The following FGF10 variants were observed in gnomAD, a reference collection of about 807,000 sequenced individuals.
FGF10 encodes FGF-10.
A neutral mutation model predicts 19.8 loss-of-function variants in FGF10; 2 were observed. The observed-to-expected ratio is 0.10, with a 90% CI of 0.04 to 0.32. FGF10 has a LOEUF of 0.32. Among genes scored for constraint, FGF10 ranks in the 10% least tolerant of loss-of-function variants. The pLI is 1.00. For synonymous variants in FGF10, 112 were observed against 94.0 expected (o/e 1.19, Z -1.10); for missense variants, 191 against 246.3 (o/e 0.78, Z 1.50).
At chr5:44,342,326 G>T (rs779932551) in intron 1 of FGF10, among the ~76,000 whole-genome samples, 1 of 151,880 alleles carries the variant, frequency 6.6e-6, no homozygotes, top group Non-Finnish European at 1.5e-5. Context: ...GAAATTCAGT[G>T]TACATTGTGT....
intron 1 of FGF10, among the ~76,000 whole-genome samples, chr5:44,324,996 C>T (rs367961501): frequency 2.0e-5 from 3 of 152,152 alleles, no homozygotes; most frequent in African/African-American, 7.2e-5. Flanking sequence ...TCAAAGTAAA[C>T]CCTGTTTATT....
rs539906510 is a variant in FGF10, at chr5:44,352,384, C to T, written c.325+35974G>A. On this transcript the variant is annotated intron_variant, in intron 1 of 2. Coordinates refer to ENST00000264664, the MANE Select transcript of FGF10 (RefSeq NM_004465.2). ...GACACCAATACAGAGGTAGCATGAC[C>T]CTTACCAGGGCCAGGGTACAAGCCT... Among the ~76,000 whole-genome samples the T allele has an allele frequency of 2.6e-5, 4 of 151,646 alleles. No individual in the cohort carries two copies. The South Asian group carries it at 8.3e-4, about 31-fold the overall frequency.
chr5:44,348,525 G>A (rs1007707562), intron 1 of FGF10, among the ~76,000 whole-genome samples: 3 of 151,420 alleles, frequency 2.0e-5, no homozygotes, highest in African/African-American at 4.8e-5. Context: ...AGAAAGTTCA[G>A]TGCAAGTTTC....
chr5:44,388,275 G>A (rs758260986), intron 1 of FGF10, 83 bp downstream of exon 1: 3 of 1,278,364 alleles, frequency 2.3e-6, no homozygotes, highest in South Asian at 2.4e-5. Flanking sequence ...TATTTAGCTG[G>A]CCACATCTGG....
chr5:44,376,509 A>AAAAAAAAAAAAAAT (rs1741864494), intron 1 of FGF10, among the ~76,000 whole-genome samples: 1 of 141,802 alleles, frequency 7.1e-6, no homozygotes, highest in Non-Finnish European at 1.5e-5. Context: ...AAAAAAAAAA[A>AAAAAAAAAAAAAAT]AAAAAAAACA....
intron 1 of FGF10, among the ~76,000 whole-genome samples, chr5:44,360,122 T>C (rs1385229040): frequency 4.0e-5 from 6 of 151,578 alleles, no homozygotes; most frequent in Non-Finnish European, 7.4e-5. Context: ...CGACAGATTA[T>C]GACTTCATGG....
intron 1 of FGF10, among the ~76,000 whole-genome samples, chr5:44,328,853 C>T (rs972170769): frequency 6.6e-6 from 1 of 152,172 alleles, no homozygotes; most frequent in South Asian, 2.1e-4. Context: ...ACAAAATTAT[C>T]TGGGTATGGC....
intron 1 of FGF10, among the ~76,000 whole-genome samples, chr5:44,353,507 A>G (rs1465980964): frequency 6.6e-6 from 1 of 151,476 alleles, no homozygotes; most frequent in Non-Finnish European, 1.5e-5. Flanking sequence ...TTGTGTTTGT[A>G]TTTTTAAATT....
intron 1 of FGF10, among the ~76,000 whole-genome samples, chr5:44,371,402 G>T (rs2111885809): frequency 6.6e-6 from 1 of 152,208 alleles, no homozygotes; most frequent in Middle Eastern, 3.4e-3. Flanking sequence ...GTTTCAGGTA[G>T]TCTCTTACAA....
chr5:44,328,947 C>T (rs766982171), intron 1 of FGF10, among the ~76,000 whole-genome samples: 8 of 152,036 alleles, frequency 5.3e-5, no homozygotes, highest in Non-Finnish European at 8.8e-5. Context: ...CAGTGAGCCA[C>T]GATTGCACCA....
chr5:44,341,780 T>C (rs1740976788), intron 1 of FGF10, among the ~76,000 whole-genome samples: 1 of 151,984 alleles, frequency 6.6e-6, no homozygotes, highest in African/African-American at 2.4e-5. Context: ...GGGTTCATCA[T>C]GGAATTTAAA....
At chr5:44,305,342 A>T in intron 2 of FGF10, 150 bp from the exon 3 acceptor site, 1 of 688,170 alleles carries the variant, frequency 1.5e-6, no homozygotes, top group Non-Finnish European at 2.6e-6. Context: ...TGTCAACAAT[A>T]GAAAAGTAAA....
intron 1 of FGF10, among the ~76,000 whole-genome samples, chr5:44,350,480 C>T (rs1010954264): frequency 6.6e-6 from 1 of 150,524 alleles, no homozygotes; most frequent in Admixed American, 6.6e-5. Flanking sequence ...ATTTTAATAC[C>T]TCTTTATCTA....
chr5:44,310,328 T>A, intron 2 of FGF10, 99 bp downstream of exon 2: 1 of 791,148 alleles, frequency 1.3e-6, no homozygotes, highest in Non-Finnish European at 2.2e-6. Context: ...TTACTAGCAA[T>A]AGAAGGATAA....
At chr5:44,381,694 G>A (rs985875219) in intron 1 of FGF10, among the ~76,000 whole-genome samples, 1 of 152,152 alleles carries the variant, frequency 6.6e-6, no homozygotes, top group Non-Finnish European at 1.5e-5. Flanking sequence ...GAAATAACAT[G>A]TCTGCTTATC....
intron 1 of FGF10, among the ~76,000 whole-genome samples, chr5:44,361,436 A>G (rs1448817660): frequency 6.6e-6 from 1 of 151,648 alleles, no homozygotes; most frequent in Non-Finnish European, 1.5e-5. Context: ...CTGACAGTCC[A>G]GTCTCTAAGA....
rs568356733 is a variant in FGF10 at position 44,324,600 on chromosome 5, C to G, written c.326-14070G>C. ...AAGAAGGACTTTAAATTGATTTTCTCAAATCTGACTAGCTTATAAAGTGTT... is the reference window on the plus strand; with the variant it reads ...AAGAAGGACTTTAAATTGATTTTCTGAAATCTGACTAGCTTATAAAGTGTT... On this transcript the variant is annotated intron_variant, in intron 1 of 2. Coordinates refer to ENST00000264664, the MANE Select transcript of FGF10 (RefSeq NM_004465.2). Among the ~76,000 whole-genome samples, 3 of 152,202 alleles carry G rather than the reference C, an allele frequency of 2.0e-5. No individual in the cohort carries two copies. The South Asian group carries it at 6.2e-4, about 32-fold the overall frequency.
chr5:44,360,642 G>A (rs1741459445), intron 1 of FGF10, among the ~76,000 whole-genome samples: 1 of 151,548 alleles, frequency 6.6e-6, no homozygotes, highest in African/African-American at 2.4e-5. Flanking sequence ...AATTTTTATA[G>A]GTACTTATCA....
At chr5:44,338,335 C>T (rs986493777) in intron 1 of FGF10, among the ~76,000 whole-genome samples, 15 of 151,996 alleles carry the variant, frequency 9.9e-5, no homozygotes, top group Non-Finnish European at 2.1e-4. Flanking sequence ...ATATTTAGTA[C>T]TTGTTTTTCA....
Sources: gnomAD v4.1 joint callset for allele counts (sites outside exome capture counted in the v4.1 genomes callset) on GRCh38, gnomAD v4.1.1 for gene constraint, MANE v1.5 for transcripts, NCBI Gene and HGNC (gene_info 2026-07-23, HGNC 2026-07-21) for gene names.